ANO4: variants seen among roughly 807,000 people sequenced by gnomAD.
The protein encoded by ANO4 is anoctamin 4, also known as anoctamin-4.
ANO4 carries 69 observed loss-of-function variants against 141.9 expected under a neutral mutation model. The ratio of observed to expected loss-of-function variants is 0.49; its 90% CI spans 0.40 to 0.59. ANO4 has a LOEUF of 0.59. Among genes scored for constraint, ANO4 ranks in the 20% least tolerant of loss-of-function variants. ANO4 has a pLI of 0.00. For synonymous variants in ANO4, 350 were observed against 394.3 expected (o/e 0.89, Z 1.33); for missense variants, 894 against 1,162.2 (o/e 0.77, Z 3.36).
At chr12:100,916,031 G>A (rs1293886472) in intron 2 of ANO4, among the ~76,000 whole-genome samples, 1 of 141,042 alleles carries the variant, frequency 7.1e-6, no homozygotes, top group East Asian at 2.1e-4. Context: ...TGGAGGGCAA[G>A]TGGAAAGTGG....
At chr12:100,789,637 C>T (rs2033978320) in intron 3 of ANO4, among the ~76,000 whole-genome samples, 1 of 152,152 alleles carries the variant, frequency 6.6e-6, no homozygotes, top group African/African-American at 2.4e-5. Context: ...GCGCACTGAG[C>T]TGGGACATGG....
At chr12:100,724,035 A>AAAC (rs1565839136) in intron 1 of ANO4, among the ~76,000 whole-genome samples, 53 of 152,242 alleles carry the variant, frequency 3.5e-4, no homozygotes, top group African/African-American at 1.2e-3. Flanking sequence ...AAACAAAAAA[A>AAAC]CAAAAAAACC....
chr12:100,876,754 G>A (rs1480255315), intron 1 of ANO4, among the ~76,000 whole-genome samples: 6 of 152,150 alleles, frequency 3.9e-5, no homozygotes, highest in African/African-American at 7.2e-5. Context: ...TTGGAAATCA[G>A]TTGACCATAA....
rs555792556 is a variant in ANO4 at position 100,762,816 on chromosome 12, T to C, written c.358+22711T>C. Among the ~76,000 whole-genome samples, 9 of 152,318 alleles carry C rather than the reference T, an allele frequency of 5.9e-5. No homozygotes were observed. The South Asian group carries it at 1.7e-3, about 28-fold the overall frequency. The stretch of plus-strand genomic sequence containing the variant: ...GTGGACATGCATTAATCCACTAGAA[T>C]GCAGTTTCCATGTGGGCAGGGAGTT... On this transcript the variant is annotated intron_variant, in intron 3 of 29. Coordinates refer to the ANO4 transcript ENST00000644049.
intron 1 of ANO4, among the ~76,000 whole-genome samples, chr12:100,898,443 A>G (rs1393549145): frequency 6.6e-6 from 1 of 152,210 alleles, no homozygotes; most frequent in Non-Finnish European, 1.5e-5. Flanking sequence ...AGGACCCTTA[A>G]TTCCTAGAGG....
intron 1 of ANO4, among the ~76,000 whole-genome samples, chr12:100,717,701 C>G (rs993387315): frequency 2.0e-5 from 3 of 152,186 alleles, no homozygotes; most frequent in Non-Finnish European, 4.4e-5. Context: ...CCTGAGGGGC[C>G]GATGTTCCGC....
In ANO4 at chr12:100,717,676, G is replaced by T. The variant is rs753094833; in HGVS notation, c.22+129G>T. On this transcript the variant is annotated intron_variant, in intron 1 of 29. Transcript: ENST00000644049. The stretch of plus-strand genomic sequence containing the variant: ...GGGTCTGGAAGGGAGGGAGACGGCG[G>T]CCGTGCGCGCCGCTCCTGAGGGGCC... The T allele has an allele frequency of 5.8e-5, 23 of 395,162 alleles. No homozygotes were observed. In the East Asian group the frequency reaches 8.3e-4, roughly 14 times the overall value. The allele number at this position is 395,162 out of a possible 1,614,324, so 24.5% of individuals were successfully genotyped here. A position where few individuals can be genotyped will look rare whatever the true frequency, so the allele number is the denominator to read the frequency against.
chr12:100,958,945 T>C (rs2043287951), intron 5 of ANO4, among the ~76,000 whole-genome samples: 1 of 152,026 alleles, frequency 6.6e-6, no homozygotes, highest in African/African-American at 2.4e-5. Context: ...GGGAAAAGGA[T>C]AGTCATTTTA....
intron 14 of ANO4, among the ~76,000 whole-genome samples, chr12:101,072,986 G>A (rs2136812865): frequency 6.6e-6 from 1 of 152,222 alleles, no homozygotes; most frequent in Admixed American, 6.5e-5. Context: ...ACTGTTCATG[G>A]GAGTGTAAAC....
chr12:100,808,717 G>A (rs1035741657), intron 1 of ANO4, among the ~76,000 whole-genome samples: 8 of 152,134 alleles, frequency 5.3e-5, no homozygotes, highest in Admixed American at 1.3e-4. Context: ...CTTTGACACC[G>A]TAAAATAGAT....
chr12:100,727,771 T>C (rs2031194409), intron 1 of ANO4, among the ~76,000 whole-genome samples: 1 of 152,142 alleles, frequency 6.6e-6, no homozygotes. Context: ...TTATCAAAGT[T>C]GAACTTTTTT....
intron 15 of ANO4, 29 bp from the exon 16 acceptor site, chr12:101,083,649 G>A: frequency 6.3e-7 from 1 of 1,593,192 alleles, no homozygotes; most frequent in Non-Finnish European, 8.5e-7. Context: ...CCTCTTTAGT[G>A]CATTAAAATG....
At chr12:100,734,628 T>C (rs2031527271) in intron 2 of ANO4, among the ~76,000 whole-genome samples, 1 of 152,216 alleles carries the variant, frequency 6.6e-6, no homozygotes, top group Non-Finnish European at 1.5e-5. Context: ...ATGAGGAAAC[T>C]TGCGCTTTGC....
intron 5 of ANO4, among the ~76,000 whole-genome samples, chr12:100,948,290 T>C (rs1394823823): frequency 6.6e-6 from 1 of 152,094 alleles, no homozygotes; most frequent in African/African-American, 2.4e-5. Context: ...GTGGTTCTTA[T>C]GCCTCTAGTA....
intron 14 of ANO4, among the ~76,000 whole-genome samples, chr12:101,071,320 G>T (rs571223842): frequency 6.7e-6 from 1 of 149,398 alleles, no homozygotes; most frequent in East Asian, 1.9e-4. Context: ...TATACACAAT[G>T]AAGTACTAGT....
At chr12:100,899,490 C>T (rs553860724) in intron 1 of ANO4, among the ~76,000 whole-genome samples, 2 of 152,276 alleles carry the variant, frequency 1.3e-5, no homozygotes, top group African/African-American at 4.8e-5. Context: ...GACTGTCTGG[C>T]GGTGCAACTG....
intron 8 of ANO4, among the ~76,000 whole-genome samples, chr12:101,000,066 G>T (rs2045572646): frequency 7.3e-6 from 1 of 137,696 alleles, no homozygotes; most frequent in Non-Finnish European, 1.6e-5. Flanking sequence ...AAAAAAAAAA[G>T]GCTTAGTCCA....
chr12:101,076,520 C>A (rs2049030650), intron 14 of ANO4, among the ~76,000 whole-genome samples: 1 of 152,296 alleles, frequency 6.6e-6, no homozygotes. Flanking sequence ...AGGCAGGATT[C>A]AGCAGGAATA....
chr12:100,826,531 C>T (rs2036353104), intron 1 of ANO4, among the ~76,000 whole-genome samples: 1 of 151,960 alleles, frequency 6.6e-6, no homozygotes, highest in Non-Finnish European at 1.5e-5. Flanking sequence ...GGGTGCTGTC[C>T]ATGGTACTGG....
Sources: allele counts gnomAD v4.1 joint callset (sites outside exome capture counted in the v4.1 genomes callset), GRCh38; gene constraint gnomAD v4.1.1; transcripts MANE v1.5; gene names NCBI Gene and HGNC (gene_info 2026-07-23, HGNC 2026-07-21).